Variants in GABRG3 observed in about 807,000 individuals in gnomAD.
GABRG3 encodes the protein gamma-aminobutyric acid receptor subunit gamma-3.
A neutral mutation model predicts 48.8 loss-of-function variants in GABRG3; 25 were observed. The ratio of observed to expected loss-of-function variants is 0.51; its 90% CI spans 0.37 to 0.72. GABRG3 has a LOEUF of 0.72. Among genes scored for constraint, GABRG3 ranks in the 30% least tolerant of loss-of-function variants. The pLI is 0.00. For missense variants in GABRG3, 394 were observed against 577.9 expected, an observed-to-expected ratio of 0.68 and a Z score of 3.26; for synonymous variants, 227 against 217.6, an observed-to-expected ratio of 1.04 and a Z score of -0.38.
At chr15:27,304,953 T>C (rs186984786) in intron 3 of GABRG3, among the ~76,000 whole-genome samples, 1 of 152,106 alleles carries the variant, frequency 6.6e-6, no homozygotes, top group East Asian at 1.9e-4. Flanking sequence ...ATTTCACTTA[T>C]TGTATATCCT....
intron 6 of GABRG3, among the ~76,000 whole-genome samples, chr15:27,498,270 G>C (rs897673441): frequency 6.6e-6 from 1 of 151,646 alleles, no homozygotes; most frequent in Non-Finnish European, 1.5e-5. Context: ...CTGCTTTTAC[G>C]CTACACTTTG....
intron 3 of GABRG3, among the ~76,000 whole-genome samples, chr15:27,066,070 G>A (rs540253597): frequency 2.8e-4 from 43 of 152,302 alleles, no homozygotes; most frequent in African/African-American, 8.2e-4. Context: ...ATAAATCAGC[G>A]AAAGTGACAT....
rs550115079 is a variant in GABRG3, at chr15:27,051,955, G to A, written c.270+25134G>A. Among the ~76,000 whole-genome samples, 7 of 152,246 alleles carry A rather than the reference G, an allele frequency of 4.6e-5. No individual in the cohort carries two copies. In the East Asian group the frequency reaches 7.8e-4, roughly 17 times the overall value. On this transcript the variant is annotated intron_variant, in intron 3 of 9. Coordinates refer to ENST00000615808, the MANE Select transcript of GABRG3 (RefSeq NM_033223.5). ...GCATGTGCAGTTCACAATAGGGTTC[G>A]TGCTCCTGTGAGAATCTAATGCTGC... is the stretch of plus-strand genomic sequence containing the variant.
At chr15:27,122,925 GT>G (rs1481811480) in intron 3 of GABRG3, among the ~76,000 whole-genome samples, 3 of 152,204 alleles carry the variant, frequency 2.0e-5, no homozygotes, top group Admixed American at 1.3e-4. Flanking sequence ...CCGGGAAATT[GT>G]TTCAGGAAGG....
chr15:27,094,921 T>A (rs970389588), intron 3 of GABRG3, among the ~76,000 whole-genome samples: 5 of 152,194 alleles, frequency 3.3e-5, no homozygotes, highest in Non-Finnish European at 5.9e-5. Flanking sequence ...CAATTTACAC[T>A]GAGAATAGCA....
chr15:27,308,519 CAT>C (rs769062422), intron 3 of GABRG3, among the ~76,000 whole-genome samples: 1 of 146,594 alleles, frequency 6.8e-6, no homozygotes, highest in Non-Finnish European at 1.5e-5. Flanking sequence ...ATAATGTAAA[CAT>C]ACATGTTTAT....
At chr15:27,067,788 A>T (rs1229715653) in intron 3 of GABRG3, among the ~76,000 whole-genome samples, 1 of 152,162 alleles carries the variant, frequency 6.6e-6, no homozygotes, top group Non-Finnish European at 1.5e-5. Flanking sequence ...ACACCCAGCT[A>T]TCCTGTACTA....
chr15:26,980,117 A>C (rs1895025343), intron 2 of GABRG3, among the ~76,000 whole-genome samples: 1 of 152,102 alleles, frequency 6.6e-6, no homozygotes, highest in African/African-American at 2.4e-5. Context: ...TGTTCATGAT[A>C]TTCCCTCATA....
intron 3 of GABRG3, among the ~76,000 whole-genome samples, chr15:27,262,820 T>C (rs1251284595): frequency 6.6e-6 from 1 of 152,216 alleles, no homozygotes; most frequent in Non-Finnish European, 1.5e-5. Context: ...AATAAATACA[T>C]TTTTTTAAAT....
chr15:27,142,840 C>T (rs1012744618), intron 3 of GABRG3, among the ~76,000 whole-genome samples: 4 of 151,888 alleles, frequency 2.6e-5, no homozygotes, highest in African/African-American at 9.7e-5. Context: ...GTGGTGTAAC[C>T]ATGGCTCCTC....
chr15:27,417,292 T>C (rs1044627963), intron 5 of GABRG3, among the ~76,000 whole-genome samples: 3 of 152,182 alleles, frequency 2.0e-5, no homozygotes, highest in African/African-American at 4.8e-5. Context: ...AGGATACTTC[T>C]TAGTTGACGT....
chr15:27,398,690 C>T (rs112591414), intron 5 of GABRG3, among the ~76,000 whole-genome samples: 4 of 147,582 alleles, frequency 2.7e-5, no homozygotes, highest in African/African-American at 7.7e-5. Flanking sequence ...ACACACACAC[C>T]CCTCTATTAT....
chr15:27,188,577 T>C (rs1351251677), intron 3 of GABRG3, among the ~76,000 whole-genome samples: 5 of 151,004 alleles, frequency 3.3e-5, no homozygotes, highest in African/African-American at 9.7e-5. Flanking sequence ...TGGGGTTGTT[T>C]GTTTTTTTCT....
chr15:27,014,254 G>A (rs1895738100), intron 2 of GABRG3, among the ~76,000 whole-genome samples: 1 of 150,204 alleles, frequency 6.7e-6, no homozygotes, highest in African/African-American at 2.4e-5. Context: ...ATCAGCTCTT[G>A]GTTTTGTTGA....
intron 2 of GABRG3, among the ~76,000 whole-genome samples, chr15:27,013,612 TTTA>T (rs1478562836): frequency 7.9e-5 from 12 of 152,142 alleles, no homozygotes; most frequent in Admixed American, 7.9e-4. Context: ...CCCTGCATCA[TTTA>T]TAGAGACTGT....
intron 9 of GABRG3, among the ~76,000 whole-genome samples, chr15:27,531,854 C>T (rs147489851): frequency 2.6e-5 from 4 of 152,224 alleles, no homozygotes; most frequent in Non-Finnish European, 5.9e-5. Context: ...TTATCTGCCC[C>T]ACTTGGACTT....
At chr15:27,064,246 G>A (rs1196691972) in intron 3 of GABRG3, among the ~76,000 whole-genome samples, 1 of 152,170 alleles carries the variant, frequency 6.6e-6, no homozygotes, top group African/African-American at 2.4e-5. Flanking sequence ...CATGAGGTGT[G>A]AGAAGCAGAT....
intron 5 of GABRG3, among the ~76,000 whole-genome samples, chr15:27,419,408 T>C (rs35948057): frequency 0.11 from 16,597 of 152,128 alleles, 1,282 homozygotes; most frequent in East Asian, 0.32. Flanking sequence ...TCTAGCATAG[T>C]CTTTTGTGTT....
At chr15:27,388,101 AGGGAG>A (rs1450655248) in intron 5 of GABRG3, among the ~76,000 whole-genome samples, 5 of 41,390 alleles carry the variant, frequency 1.2e-4, no homozygotes, top group Admixed American at 8.1e-4. Context: ...GAGGAAAGGG[AGGGAG>A]GGAAAAGAAG....
Sources: allele counts gnomAD v4.1 joint callset (sites outside exome capture counted in the v4.1 genomes callset), GRCh38; gene constraint gnomAD v4.1.1; transcripts MANE v1.5; gene names NCBI Gene and HGNC (gene_info 2026-07-23, HGNC 2026-07-21).